The following CDKN2B-AS1 variants were observed in gnomAD, a reference collection of about 807,000 sequenced individuals.
CDKN2B-AS1 encodes the protein CDKN2B antisense RNA 1 (non-protein coding).
intron 1 of CDKN2B-AS1, chr9:22,008,568 G>GTGGTT: frequency 8.4e-7 from 1 of 1,191,968 alleles, no homozygotes; most frequent in Non-Finnish European, 1.2e-6. Context: ...CTGATCATGA[G>GTGGTT]ATGGCAGAAC....
chr9:22,025,425 A>T (rs1008735742), intron 1 of CDKN2B-AS1, among the ~76,000 whole-genome samples: 3 of 152,078 alleles, frequency 2.0e-5, no homozygotes, highest in Non-Finnish European at 4.4e-5. Flanking sequence ...AGAGGCTTTC[A>T]GTTGTCCGTG....
At chr9:22,098,475 A>T (rs1307803209) in intron 4 of CDKN2B-AS1, among the ~76,000 whole-genome samples, 2 of 151,616 alleles carry the variant, frequency 1.3e-5, no homozygotes, top group African/African-American at 4.8e-5. Context: ...TATCACCTTT[A>T]TAAAAATAAA....
chr9:22,068,646 A>G (rs1824164437), intron 4 of CDKN2B-AS1, among the ~76,000 whole-genome samples: 1 of 152,194 alleles, frequency 6.6e-6, no homozygotes, highest in African/African-American at 2.4e-5. Context: ...GTGGCTTTGC[A>G]ATGATAGTAA....
intron 1 of CDKN2B-AS1, among the ~76,000 whole-genome samples, chr9:22,022,532 G>A (rs1822059005): frequency 6.6e-6 from 1 of 151,788 alleles, no homozygotes; most frequent in Admixed American, 6.6e-5. Context: ...TTTATTTTGA[G>A]CCTATCTCAT....
intron 4 of CDKN2B-AS1, among the ~76,000 whole-genome samples, chr9:22,097,846 A>G (rs1353829945): frequency 6.6e-6 from 1 of 152,170 alleles, no homozygotes; most frequent in African/African-American, 2.4e-5. Context: ...CCCTGTTGCA[A>G]TTTCTTTGAC....
rs963929200 is a variant in CDKN2B-AS1, at chr9:22,005,097, T to C, written n.29+9936T>C. ...CAAAAAGTAGCAAGTCATAAGGGGA[T>C]TTCCGCATCCTAGCATGTGTGTGTG... On this transcript the variant is annotated intron_variant and non_coding_transcript_variant, in intron 1 of 4. Transcript: ENST00000650946. This position sits in a 1 kb window ranked among gnomAD's most constrained non-coding sequence, Gnocchi z 4.9. 4.4e-6 allele frequency: 1 copy of C among 227,352 alleles called. No homozygotes were observed. The highest frequency in any genetic ancestry group is 2.3e-5 in the African/African-American group (1 of 43,156). 14.1% of individuals were successfully genotyped at this position (227,352 alleles called of 1,614,324 possible).
chr9:22,066,018 C>T (rs1370291834), intron 4 of CDKN2B-AS1, among the ~76,000 whole-genome samples: 4 of 152,094 alleles, frequency 2.6e-5, no homozygotes, highest in African/African-American at 9.7e-5. Context: ...TTTGTTTAAG[C>T]CTTCATGTTC....
At chr9:22,091,386 G>C (rs1186156613) in intron 4 of CDKN2B-AS1, among the ~76,000 whole-genome samples, 2 of 152,060 alleles carry the variant, frequency 1.3e-5, no homozygotes, top group Non-Finnish European at 2.9e-5. Flanking sequence ...AGCTTGATGG[G>C]GATTGCATTG....
At chr9:22,086,191 C>G (rs1019204481) in intron 4 of CDKN2B-AS1, among the ~76,000 whole-genome samples, 1 of 152,158 alleles carries the variant, frequency 6.6e-6, no homozygotes, top group African/African-American at 2.4e-5. Flanking sequence ...ATACAAAGAA[C>G]TTGATAGCCC....
At chr9:22,108,290 T>C (rs750692844) in intron 4 of CDKN2B-AS1, among the ~76,000 whole-genome samples, 2 of 152,202 alleles carry the variant, frequency 1.3e-5, no homozygotes, top group Admixed American at 6.5e-5. Flanking sequence ...GTAGACTGGG[T>C]ACTCCATTTA....
chr9:22,101,993 C>T (rs546204284), intron 4 of CDKN2B-AS1, among the ~76,000 whole-genome samples: 1 of 152,266 alleles, frequency 6.6e-6, no homozygotes, highest in Non-Finnish European at 1.5e-5. Context: ...CAACCAACTG[C>T]CTATGGTCAT....
rs756525134 is a variant in CDKN2B-AS1 at position 22,006,085 on chromosome 9, C to A, written n.29+10924C>A. 11 of 1,607,704 alleles carry A rather than the reference C, an allele frequency of 6.8e-6. No homozygotes were observed. The highest frequency in any genetic ancestry group is 8.5e-6 in the Non-Finnish European group (10 of 1,179,688). On this transcript the variant is annotated intron_variant and non_coding_transcript_variant, in intron 1 of 4. Transcript: ENST00000650946. The surrounding 1 kb of genome is among the most constrained non-coding windows in gnomAD (Gnocchi z 6.4). ...AGACGACCCCAGGCATCGCGCACGTCCAGCCGCGCCCCGGCCCGGTGCAGC... is the reference window on the plus strand; with the variant it reads ...AGACGACCCCAGGCATCGCGCACGTACAGCCGCGCCCCGGCCCGGTGCAGC...
intron 4 of CDKN2B-AS1, among the ~76,000 whole-genome samples, chr9:22,125,976 G>C (rs369362212): frequency 1.1e-4 from 17 of 152,120 alleles, no homozygotes; most frequent in African/African-American, 3.6e-4. Flanking sequence ...AGAAAATTCA[G>C]AAAAAACTAC....
chr9:22,010,832 G>A (rs983751628), intron 1 of CDKN2B-AS1, among the ~76,000 whole-genome samples: 5 of 152,114 alleles, frequency 3.3e-5, no homozygotes, highest in African/African-American at 1.2e-4. Flanking sequence ...GAAAAGTTAG[G>A]ACAAGATAGT....
intron 1 of CDKN2B-AS1, among the ~76,000 whole-genome samples, chr9:22,026,788 G>C (rs941516357): frequency 6.6e-6 from 1 of 152,170 alleles, no homozygotes; most frequent in Non-Finnish European, 1.5e-5. Context: ...CTCCATGCAT[G>C]CCTGAGTGGC....
Position 22,038,177 on chromosome 9 carries a change from C to T in CDKN2B-AS1, n.30-8574C>T, listed in dbSNP as rs531527075. The stretch of plus-strand genomic sequence containing the variant: ...TTTATATTTGCTTACTTCTACACTA[C>T]AACAGACATAAAATTATGGATTTTT... On this transcript the variant is annotated intron_variant and non_coding_transcript_variant, in intron 1 of 4. Coordinates refer to ENST00000650946, the Ensembl canonical transcript of CDKN2B-AS1. Among the ~76,000 whole-genome samples the T allele has an allele frequency of 4.6e-5, 7 of 151,982 alleles. 1 individual carries two copies. Among genetic ancestry groups the T allele is most frequent in the African/African-American group, 1.7e-4 (7 of 41,470 alleles).
At chr9:22,110,612 G>C (rs1000281108) in intron 4 of CDKN2B-AS1, among the ~76,000 whole-genome samples, 1 of 152,088 alleles carries the variant, frequency 6.6e-6, no homozygotes, top group Admixed American at 6.6e-5. Flanking sequence ...AAATGTTGTA[G>C]TTACTATGAT....
intron 1 of CDKN2B-AS1, among the ~76,000 whole-genome samples, chr9:22,025,379 G>C (rs1384918126): frequency 6.6e-6 from 1 of 152,174 alleles, no homozygotes; most frequent in Non-Finnish European, 1.5e-5. Flanking sequence ...TAGTCAGAGG[G>C]TAGCAAGGAC....
At chr9:22,038,584 A>G (rs1822781169) in intron 1 of CDKN2B-AS1, among the ~76,000 whole-genome samples, 1 of 151,992 alleles carries the variant, frequency 6.6e-6, no homozygotes, top group African/African-American at 2.4e-5. Context: ...CTCTTGCACT[A>G]TAATAAAACT....
Sources: allele counts gnomAD v4.1 joint callset (sites outside exome capture counted in the v4.1 genomes callset), GRCh38; gene constraint gnomAD v4.1.1; non-coding constraint Gnocchi (gnomAD v3.1); transcripts MANE v1.5; gene names NCBI Gene and HGNC (gene_info 2026-07-23, HGNC 2026-07-21).